SEC16B: variants seen among roughly 807,000 people sequenced by gnomAD.
The protein encoded by SEC16B is protein transport protein Sec16B.
SEC16B carries 115 observed loss-of-function variants against 141.8 expected under a neutral mutation model. That is an observed-to-expected ratio of 0.81 (90% CI 0.70 to 0.95). SEC16B has a LOEUF of 0.95. SEC16B is among the 40% of genes least tolerant of loss of function. The pLI, the probability that SEC16B is intolerant of heterozygous loss-of-function variation, is 0.00. For missense variants in SEC16B, 1,291 were observed against 1,312.3 expected, an observed-to-expected ratio of 0.98 and a Z score of 0.25; for synonymous variants, 493 against 492.5, an observed-to-expected ratio of 1.00 and a Z score of -0.01.
chr1:177,948,698 TG>T lies in SEC16B; in HGVS notation c.1546-757del, dbSNP rs1415838213. ...TCAATAAAGAAACAATATAATGTCA[TG>T]GAAACAACACAGGCCCCAACTCGAG... On this transcript the variant is annotated intron_variant, in intron 12 of 25. Coordinates refer to ENST00000308284, the MANE Select transcript of SEC16B (RefSeq NM_033127.4). The T allele has an allele frequency of 1.7e-5, 21 of 1,238,406 alleles. 1 individual carries two copies. The African/African-American group carries it at 2.8e-4, about 17-fold the overall frequency. The allele number at this position is 1,238,406 out of a possible 1,614,324, so 76.7% of individuals were successfully genotyped here. A position where few individuals can be genotyped will look rare whatever the true frequency, so the allele number is the denominator to read the frequency against.
chr1:177,948,639 T>C (rs1465300467), intron 12 of SEC16B: 1 of 1,291,964 alleles, frequency 7.7e-7, no homozygotes, highest in Non-Finnish European at 1.0e-6. Flanking sequence ...AAGGCTGTCC[T>C]ACTAAATAAA....
At position 177,932,826 on chromosome 1, in the gene SEC16B, AG is replaced by A; in HGVS notation, c.2824-21del. The A allele has an allele frequency of 6.3e-7, 1 of 1,596,578 alleles. No homozygotes were observed. The highest frequency in any genetic ancestry group is 8.5e-7 in the Non-Finnish European group (1 of 1,170,720). On this transcript the variant is annotated intron_variant, in intron 22 of 25. Transcript: ENST00000308284. The stretch of plus-strand genomic sequence containing the variant: ...GGTCTCCTGCTTTGTGGAGAAAGAA[AG>A]GCAGCATTGGCAACATTGGCAGTTA...
At chr1:177,969,476 G>A (rs1653809307) in intron 1 of SEC16B, among the ~76,000 whole-genome samples, 1 of 152,140 alleles carries the variant, frequency 6.6e-6, no homozygotes, top group Non-Finnish European at 1.5e-5. Context: ...CCAGACACAG[G>A]GAAGGGCACA....
chr1:177,934,101 G>A (rs192765199), intron 20 of SEC16B, among the ~76,000 whole-genome samples: 2 of 151,826 alleles, frequency 1.3e-5, no homozygotes, highest in East Asian at 1.9e-4. Context: ...TGCACCAAAG[G>A]GGGGTAAAAT....
intron 1 of SEC16B, among the ~76,000 whole-genome samples, chr1:177,983,247 G>T (rs916963224): frequency 1.3e-5 from 2 of 152,104 alleles, no homozygotes; most frequent in Admixed American, 1.3e-4. Context: ...GTGCCATATG[G>T]TTCACTGGGA....
intron 10 of SEC16B, among the ~76,000 whole-genome samples, chr1:177,955,652 T>A (rs1486180034): frequency 6.6e-6 from 1 of 152,216 alleles, no homozygotes; most frequent in Non-Finnish European, 1.5e-5. Flanking sequence ...TTTTTTCACT[T>A]CTCAGATTGG....
Position 177,964,155 on chromosome 1 carries a change from C to G in SEC16B, c.642+16G>C, listed in dbSNP as rs201534252. 6.3e-7 allele frequency: 1 copy of G among 1,587,412 alleles called. No individual in the cohort carries two copies. The highest frequency in any genetic ancestry group is 8.6e-7 in the Non-Finnish European group (1 of 1,160,686). ...ACATGGCCACAGTCTCCAGCCCCCA[C>G]GTCACTTTAGGTTACCTTATTTTTC... On this transcript the variant is annotated intron_variant, in intron 5 of 25. Coordinates refer to ENST00000308284, the MANE Select transcript of SEC16B (RefSeq NM_033127.4).
chr1:177,968,262 T>C (rs949160318), intron 1 of SEC16B, among the ~76,000 whole-genome samples: 2 of 152,122 alleles, frequency 1.3e-5, no homozygotes. Flanking sequence ...AAAAAGTACA[T>C]GTGGAACAAC....
In SEC16B at chr1:177,961,687, AC is replaced by A. The variant is rs772516034; in HGVS notation, c.689del (p.Gly230ValfsTer44). On this transcript the variant is annotated frameshift_variant, in exon 6 of 26. Coordinates refer to ENST00000308284, the MANE Select transcript of SEC16B (RefSeq NM_033127.4). LOFTEE classifies it high-confidence loss of function. ...TGAGCTCATAGCTGCTGGAGCTGAG[AC>A]CAGACTCACGCTGCTGGAGAAGGTT... Reference protein sequence around the residue: ...ESNLLQQRESGLSSSSYELSQ... With the variant: ...ESNLLQQRESXLSSSSYELSQ... The A allele has an allele frequency of 4.3e-6, 7 of 1,613,954 alleles. No individual in the cohort carries two copies. In the East Asian group the frequency reaches 1.6e-4, roughly 36 times the overall value.
chr1:177,929,796 T>G lies in SEC16B; in HGVS notation c.*62A>C. On this transcript the variant is annotated 3_prime_UTR_variant, in exon 26 of 26. Coordinates refer to ENST00000308284, the MANE Select transcript of SEC16B (RefSeq NM_033127.4). ...ATATGGTAGAGAGGGGCTGGGAGAT[T>G]GAGAAAAAGAGAGCAAGAAAGTTTC... is the stretch of plus-strand genomic sequence containing the variant. 17 of 1,571,194 alleles carry G rather than the reference T, an allele frequency of 1.1e-5. No individual in the cohort carries two copies. The highest frequency in any genetic ancestry group is 1.4e-5 in the Non-Finnish European group (16 of 1,148,200).
chr1:177,945,484 G>A (rs1308230610), intron 14 of SEC16B: 1 of 152,252 alleles, frequency 6.6e-6, no homozygotes, highest in Admixed American at 6.5e-5. Context: ...TGCTATCAGA[G>A]ACCAGGAACC....
At chr1:177,966,097 G>T in intron 2 of SEC16B, 92 bp from the exon 3 acceptor site, 1 of 717,352 alleles carries the variant, frequency 1.4e-6, no homozygotes, top group Non-Finnish European at 2.3e-6. Flanking sequence ...CAGGTTCAGA[G>T]GACAGAGTTG....
Position 177,965,898 on chromosome 1 carries a change from T to G in SEC16B, c.407A>C (p.Glu136Ala). The change falls in exon 3 of 26, where the codon GAA becomes GCA. Residue 136 changes from glutamate to alanine, a missense_variant. By Grantham distance (107) the Glu-to-Ala change is moderately radical. Coordinates refer to ENST00000308284, the MANE Select transcript of SEC16B (RefSeq NM_033127.4). The stretch of plus-strand genomic sequence containing the variant: ...TCTTGGAGACTTTTCCATACCTCTT[T>G]CTTCCTGCAGCCACTGTGGGTGTCC... ...YHGHPQWLQE[E>A]RVPRQRSPYI... is the part of the protein sequence containing the mutation. 1 of 1,578,588 alleles carries G rather than the reference T, an allele frequency of 6.3e-7. No individual in the cohort carries two copies. Among genetic ancestry groups the G allele is most frequent in the Non-Finnish European group, 8.6e-7 (1 of 1,158,610 alleles).
At chr1:177,945,855 C>T (rs2101932551) in intron 14 of SEC16B, 1 of 168,428 alleles carries the variant, frequency 5.9e-6, no homozygotes, top group Non-Finnish European at 1.3e-5. Flanking sequence ...ATCGTTCTGT[C>T]CATGCATTCA....
intron 17 of SEC16B, 57 bp downstream of exon 17, chr1:177,940,551 GGT>G: frequency 1.7e-6 from 2 of 1,191,304 alleles, no homozygotes; most frequent in South Asian, 2.5e-5. Flanking sequence ...CATGTCTAGG[GGT>G]GGGAAGAGGG....
chr1:177,930,959 C>T (rs138004516), intron 24 of SEC16B, among the ~76,000 whole-genome samples: 158 of 152,278 alleles, frequency 1.0e-3, no homozygotes, highest in Admixed American at 2.6e-3. Context: ...AAAGGGGACA[C>T]TTATACACCG....
chr1:177,948,602 A>G (rs960088171), intron 12 of SEC16B: 2 of 1,304,038 alleles, frequency 1.5e-6, no homozygotes, highest in East Asian at 1.1e-4. Context: ...CCCCGCATCA[A>G]TGGTGTTTTC....
chr1:177,964,122 G>C, intron 5 of SEC16B, 49 bp downstream of exon 5: 2 of 1,365,378 alleles, frequency 1.5e-6, no homozygotes, highest in Non-Finnish European at 2.0e-6. Flanking sequence ...GACAGTGTCA[G>C]CTGCGACACA....
At chr1:177,960,460 C>A in intron 7 of SEC16B, 57 bp from the exon 8 acceptor site, 1 of 1,237,334 alleles carries the variant, frequency 8.1e-7, no homozygotes. Flanking sequence ...AGGCCCCTTT[C>A]AGTCAAGTCT....
Sources: gnomAD v4.1 joint callset for allele counts (sites outside exome capture counted in the v4.1 genomes callset) on GRCh38, gnomAD v4.1.1 for gene constraint, MANE v1.5 for transcripts, NCBI Gene and HGNC (gene_info 2026-07-23, HGNC 2026-07-21) for gene names.